SBNO2: variants seen among roughly 807,000 people sequenced by gnomAD.
SBNO2 encodes the protein strawberry notch homolog 2.
SBNO2 carries 89 observed loss-of-function variants against 146.3 expected under a neutral mutation model. That is an observed-to-expected ratio of 0.61 (90% CI 0.51 to 0.73). The LOEUF (loss-of-function observed/expected upper bound fraction) is 0.73, where lower values mean the gene tolerates loss of function less well. Ranked by LOEUF, SBNO2 falls within the 30% of genes least tolerant of loss-of-function variation. The pLI, the probability that SBNO2 is intolerant of heterozygous loss-of-function variation, is 0.00. For missense variants in SBNO2, 2,092 were observed against 2,003.7 expected (o/e 1.04, Z -0.84); for synonymous variants, 1,147 against 892.6 (o/e 1.29, Z -5.08).
Position 1,112,661 on chromosome 19 carries a change from G to T in SBNO2, c.2380-124C>A. ...GACGTCCCGGGGCAGCGAGAGGCCTGCGGGGCGCGGACACCACCCGCCACA... is the reference window on the plus strand; with the variant it reads ...GACGTCCCGGGGCAGCGAGAGGCCTTCGGGGCGCGGACACCACCCGCCACA... On this transcript the variant is annotated intron_variant, in intron 20 of 31. Coordinates refer to ENST00000361757, the MANE Select transcript of SBNO2 (RefSeq NM_014963.3). The surrounding 1 kb of genome is among the most constrained non-coding windows in gnomAD (Gnocchi z 5.9). The T allele has an allele frequency of 6.9e-7, 1 of 1,441,088 alleles. No homozygotes were observed. Among genetic ancestry groups the T allele is most frequent in the Non-Finnish European group, 9.2e-7 (1 of 1,092,046 alleles). 89.3% of individuals were successfully genotyped at this position (1,441,088 alleles called of 1,614,324 possible).
Position 1,127,715 on chromosome 19 carries a change from G to T in SBNO2, c.330C>A (p.Ser110=), listed in dbSNP as rs778868852. The T allele has an allele frequency of 1.9e-6, 3 of 1,613,618 alleles. No individual in the cohort carries two copies. The highest frequency in any genetic ancestry group is 2.2e-5 in the South Asian group (2 of 91,078). The change falls in exon 5 of 32, where the codon TCC becomes TCA. Residue 110 remains serine, a synonymous_variant. Coordinates refer to ENST00000361757, the MANE Select transcript of SBNO2 (RefSeq NM_014963.3). ...DFSNISIFSS[S]VDSLSDIVDT... is the part of the protein sequence containing the mutation. ...CCACGATGTCCGACAGGGAGTCCAC[G>T]GACGAGGAGAAGATGGAGATGTTGG... is the stretch of plus-strand genomic sequence containing the variant.
At position 1,112,974 on chromosome 19, in the gene SBNO2, C is replaced by A. The variant is rs182332305; in HGVS notation, c.2248-25G>T. 1.3e-6 allele frequency: 2 copies of A among 1,544,042 alleles called. No individual in the cohort carries two copies. The highest frequency in any genetic ancestry group is 2.4e-5 in the East Asian group (1 of 41,146). The stretch of plus-strand genomic sequence containing the variant: ...TCTGCAGCCGAGACAGGGACAAAAC[C>A]GGCCGTCAGTGTTGTGGCCTCGCAG... On this transcript the variant is annotated intron_variant, in intron 19 of 31. Coordinates refer to ENST00000361757, the MANE Select transcript of SBNO2 (RefSeq NM_014963.3). The surrounding 1 kb of genome is among the most constrained non-coding windows in gnomAD (Gnocchi z 5.9).
intron 1 of SBNO2, among the ~76,000 whole-genome samples, chr19:1,166,996 C>G (rs1250861385): frequency 6.6e-6 from 1 of 152,252 alleles, no homozygotes; most frequent in Non-Finnish European, 1.5e-5. Context: ...AGCTTAAGTC[C>G]AGCCTTGGTG....
At position 1,112,049 on chromosome 19, in the gene SBNO2, C is replaced by T; in HGVS notation, c.2647G>A (p.Asp883Asn). Residue 883 changes from aspartate to asparagine, a missense_variant, in exon 23 of 32, where the codon GAC becomes AAC. By Grantham distance (23) the Asp-to-Asn change is conservative. Transcript: ENST00000361757. The surrounding 1 kb of genome is among the most constrained non-coding windows in gnomAD (Gnocchi z 5.9). ...TCACGGGACTCCGTGGCGCGGCGGTCTCCGTGGGTCAGGGCCCCCTGCCAG... is the reference window on the plus strand; with the variant it reads ...TCACGGGACTCCGTGGCGCGGCGGTTTCCGTGGGTCAGGGCCCCCTGCCAG... ...LESLGALTHG[D>N]RRATESRDLS... The T allele has an allele frequency of 6.2e-7, 1 of 1,612,492 alleles. No homozygotes were observed. Among genetic ancestry groups the T allele is most frequent in the Non-Finnish European group, 8.5e-7 (1 of 1,179,756 alleles).
At chr19:1,132,044 A>G (rs2080035021) in intron 4 of SBNO2, 1 of 1,438,660 alleles carries the variant, frequency 7.0e-7, no homozygotes, top group South Asian at 1.3e-5. Flanking sequence ...CACCTCCCAG[A>G]CCCCTGCCCC....
chr19:1,115,779 G>A (rs759647263), intron 17 of SBNO2: 5 of 573,230 alleles, frequency 8.7e-6, no homozygotes, highest in Middle Eastern at 2.8e-4. Context: ...CCCGGGTCTC[G>A]CTCGGCACCC....
chr19:1,139,253 C>T (rs2080113212), intron 4 of SBNO2, among the ~76,000 whole-genome samples: 1 of 152,050 alleles, frequency 6.6e-6, no homozygotes, highest in African/African-American at 2.4e-5. Flanking sequence ...GGCCATGCAG[C>T]GTGTGATCCC....
At chr19:1,151,950 A>C (rs920491346) in intron 2 of SBNO2, among the ~76,000 whole-genome samples, 1 of 152,118 alleles carries the variant, frequency 6.6e-6, no homozygotes, top group African/African-American at 2.4e-5. Context: ...GGCGTGAACC[A>C]TTGTGCTGGC....
At chr19:1,124,169 C>A in intron 5 of SBNO2, 147 bp from the exon 6 acceptor site, 1 of 754,020 alleles carries the variant, frequency 1.3e-6, no homozygotes, top group Non-Finnish European at 2.2e-6. Flanking sequence ...GTCTTGCTCT[C>A]CTGCTGTTCT....
Position 1,135,521 on chromosome 19 carries a change from A to G in SBNO2, c.280-7756T>C, listed in dbSNP as rs568686257. 2.5e-3 allele frequency among the ~76,000 whole-genome samples: 378 copies of G among 152,314 alleles called. 1 individual carries two copies. The highest frequency in any genetic ancestry group is 8.9e-3 in the African/African-American group (371 of 41,564). On this transcript the variant is annotated intron_variant, in intron 4 of 31. Coordinates refer to ENST00000361757, the MANE Select transcript of SBNO2 (RefSeq NM_014963.3). ...GTCCCTGGAGCAGGTCAGACTGAGG[A>G]TAGGGGTGCGCCGCCTAGGGACCTG...
Position 1,111,524 on chromosome 19 carries a change from C to G in SBNO2, c.2791G>C (p.Val931Leu), listed in dbSNP as rs780352421. The change falls in exon 24 of 32, where the codon GTC becomes CTC. Residue 931 changes from valine to leucine, a missense_variant. By Grantham distance (32) the Val-to-Leu change is conservative. Transcript: ENST00000361757. ...AGCTTACCCCGGAAGAAGGTGGGGA[C>G]CCCTCCAGGGTATCCCTGGGGCACA... Reference protein sequence around the residue: ...VPVPQGYPGGVPTFFRDMKQG... With the variant: ...VPVPQGYPGGLPTFFRDMKQG... The G allele has an allele frequency of 1.7e-4, 271 of 1,584,438 alleles. 1 individual carries two copies. The highest frequency in any genetic ancestry group is 2.2e-4 in the Non-Finnish European group (256 of 1,165,758).
chr19:1,131,050 C>T (rs113599780), intron 4 of SBNO2, among the ~76,000 whole-genome samples: 3 of 152,300 alleles, frequency 2.0e-5, no homozygotes, highest in African/African-American at 4.8e-5. Context: ...CAGCTCCCCC[C>T]ACAGTGGCTC....
chr19:1,159,273 C>A (rs947544506), intron 1 of SBNO2, among the ~76,000 whole-genome samples: 5 of 151,862 alleles, frequency 3.3e-5, no homozygotes, highest in African/African-American at 4.8e-5. Context: ...CCTGGGCAGG[C>A]CCCAACTCGG....
chr19:1,147,774 C>T (rs1389011096), intron 3 of SBNO2, among the ~76,000 whole-genome samples: 2 of 152,118 alleles, frequency 1.3e-5, no homozygotes, highest in African/African-American at 2.4e-5. Context: ...CTGGCCATCC[C>T]TCCCCCACAC....
At position 1,117,633 on chromosome 19, in the gene SBNO2, G is replaced by A. The variant is rs72975565; in HGVS notation, c.1528-134C>T. ...AATTTAGGGCAGGATGGGGGTGCTGGGGGTGTGCACTGTAAGAGGCACTGC... is the reference window on the plus strand; with the variant it reads ...AATTTAGGGCAGGATGGGGGTGCTGAGGGTGTGCACTGTAAGAGGCACTGC... On this transcript the variant is annotated intron_variant, in intron 14 of 31. Transcript: ENST00000361757. 4,125 of 909,850 alleles carry A rather than the reference G, an allele frequency of 4.5e-3. 20 individuals are homozygous for A. Among genetic ancestry groups the A allele is most frequent in the Non-Finnish European group, 4.8e-3 (2,934 of 616,238 alleles). The allele number at this position is 909,850 out of a possible 1,614,324, so 56.4% of individuals were successfully genotyped here.
intron 31 of SBNO2, 32 bp from the exon 32 acceptor site, chr19:1,108,736 G>C: frequency 1.3e-6 from 2 of 1,582,198 alleles, no homozygotes; most frequent in South Asian, 2.3e-5. Flanking sequence ...CAGGGCCGGC[G>C]CTGGGGGCTC....
chr19:1,125,085 C>T (rs2079950107), intron 5 of SBNO2, among the ~76,000 whole-genome samples: 1 of 151,952 alleles, frequency 6.6e-6, no homozygotes, highest in African/African-American at 2.4e-5. Flanking sequence ...GGTACAGTGG[C>T]TCACACCCGT....
At chr19:1,131,536 T>C (rs562164273) in intron 4 of SBNO2, among the ~76,000 whole-genome samples, 1 of 152,194 alleles carries the variant, frequency 6.6e-6, no homozygotes, top group Non-Finnish European at 1.5e-5. Context: ...CCAGACCTGA[T>C]GTGCTGCCGC....
At chr19:1,113,046 A>T in intron 19 of SBNO2, 97 bp from the exon 20 acceptor site, 2 of 1,391,564 alleles carry the variant, frequency 1.4e-6, no homozygotes, top group Non-Finnish European at 1.9e-6. Context: ...TACAGTGGTC[A>T]TGGGCTCCCA....
Sources: gnomAD v4.1 joint callset for allele counts (sites outside exome capture counted in the v4.1 genomes callset) on GRCh38, gnomAD v4.1.1 for gene constraint, Gnocchi (gnomAD v3.1) non-coding constraint, MANE v1.5 for transcripts, NCBI Gene and HGNC (gene_info 2026-07-23, HGNC 2026-07-21) for gene names.